The following GTF2H1 variants were observed in gnomAD, a reference collection of about 807,000 sequenced individuals.
GTF2H1 encodes general transcription factor IIH subunit 1.
GTF2H1 carries 16 observed loss-of-function variants against 71.2 expected under a neutral mutation model. The observed-to-expected ratio is 0.22, with a 90% CI of 0.15 to 0.34. The LOEUF is 0.34. Among genes scored for constraint, GTF2H1 ranks in the 10% least tolerant of loss-of-function variants. The pLI is 1.00. For synonymous variants in GTF2H1, 215 were observed against 219.0 expected, an observed-to-expected ratio of 0.98 and a Z score of 0.16; for missense variants, 498 against 648.2, an observed-to-expected ratio of 0.77 and a Z score of 2.52.
At chr11:18,332,907 C>G in intron 1 of GTF2H1, 153 bp from the exon 2 acceptor site, 1 of 521,968 alleles carries the variant, frequency 1.9e-6, no homozygotes, top group Non-Finnish European at 3.3e-6. Context: ...GCAACTTTAT[C>G]TTCAACTTTG....
intron 14 of GTF2H1, among the ~76,000 whole-genome samples, chr11:18,362,406 T>C (rs1403733405): frequency 1.3e-5 from 2 of 152,202 alleles, no homozygotes; most frequent in Non-Finnish European, 2.9e-5. Flanking sequence ...ACTAACACTG[T>C]ACACTTAGAC....
At chr11:18,330,262 C>T (rs4150552) in intron 1 of GTF2H1, among the ~76,000 whole-genome samples, 117 of 152,264 alleles carry the variant, frequency 7.7e-4, no homozygotes, top group African/African-American at 2.7e-3. Context: ...CCTTTTGGGA[C>T]TTCATGTCGT....
intron 9 of GTF2H1, among the ~76,000 whole-genome samples, chr11:18,351,281 C>T (rs1032460817): frequency 2.5e-5 from 3 of 118,982 alleles, no homozygotes; most frequent in Admixed American, 1.1e-4. Flanking sequence ...GGCAAAGAGG[C>T]GGAATTTTTT....
intron 7 of GTF2H1, among the ~76,000 whole-genome samples, chr11:18,346,160 T>C (rs898902378): frequency 6.6e-6 from 1 of 152,218 alleles, no homozygotes; most frequent in African/African-American, 2.4e-5. Context: ...TATTAGTGTA[T>C]TGAACCATAT....
At chr11:18,344,342 G>A (rs953769239) in intron 7 of GTF2H1, among the ~76,000 whole-genome samples, 5 of 151,964 alleles carry the variant, frequency 3.3e-5, no homozygotes, top group South Asian at 2.1e-4. Context: ...AATATAGGCC[G>A]GGCGTGGTGG....
At chr11:18,365,568 C>T (rs4150681) in intron 14 of GTF2H1, among the ~76,000 whole-genome samples, 2,136 of 152,112 alleles carry the variant, frequency 0.014, 59 homozygotes, top group African/African-American at 0.05. Flanking sequence ...CCATTACAAC[C>T]GCAGCCTTTT....
intron 7 of GTF2H1, among the ~76,000 whole-genome samples, chr11:18,346,103 T>A (rs1865287674): frequency 6.6e-6 from 1 of 152,218 alleles, no homozygotes; most frequent in Non-Finnish European, 1.5e-5. Flanking sequence ...ATGAGTCTCA[T>A]GATCTTTCTT....
At chr11:18,364,450 A>G (rs970832449) in intron 14 of GTF2H1, among the ~76,000 whole-genome samples, 2 of 152,170 alleles carry the variant, frequency 1.3e-5, no homozygotes, top group African/African-American at 4.8e-5. Flanking sequence ...ATGCGGTGGT[A>G]TGCACATGTA....
Position 18,336,661 on chromosome 11 carries a change from A to G in GTF2H1, c.347+715A>G, listed in dbSNP as rs116455499. On this transcript the variant is annotated intron_variant, in intron 3 of 14. Coordinates refer to ENST00000265963, the MANE Select transcript of GTF2H1 (RefSeq NM_005316.4). Reference sequence around the variant, plus strand: ...TAATTTCTTTTCCCAGTTCTCTGTCACAGAGAAGATGCTAAGCCATTGGAA... The same window carrying G: ...TAATTTCTTTTCCCAGTTCTCTGTCGCAGAGAAGATGCTAAGCCATTGGAA... 5.1e-4 allele frequency among the ~76,000 whole-genome samples: 77 copies of G among 152,298 alleles called. 1 individual carries two copies. The highest frequency in any genetic ancestry group is 1.8e-3 in the African/African-American group (75 of 41,584).
rs978251670 is a variant in GTF2H1, at chr11:18,338,289, T to C, written c.513+15T>C. ...CTGCATTTCTGGTATGTGAGCCTTC[T>C]AGATTTCTGAAGAAAATAAAAATTC... On this transcript the variant is annotated intron_variant, in intron 4 of 14. Transcript: ENST00000265963. 1 of 1,572,014 alleles carries C rather than the reference T, an allele frequency of 6.4e-7. No homozygotes were observed. The highest frequency in any genetic ancestry group is 8.7e-7 in the Non-Finnish European group (1 of 1,142,932).
Position 18,347,883 on chromosome 11 carries a change from C to T in GTF2H1, c.1017C>T (p.Ser339=), listed in dbSNP as rs1228444462. The T allele has an allele frequency of 3.1e-6, 5 of 1,613,514 alleles. No individual in the cohort carries two copies. Among genetic ancestry groups the T allele is most frequent in the East Asian group, 2.2e-5 (1 of 44,874 alleles). Residue 339 remains serine, a synonymous_variant, in exon 9 of 15, where the codon TCC becomes TCT. Coordinates refer to ENST00000265963, the MANE Select transcript of GTF2H1 (RefSeq NM_005316.4). ...TSEPSNMDGN[S]GDADCFQPAV... ...AGCCCAGCAACATGGATGGAAATTC[C>T]GGAGATGCAGACTGCTTTCAGCCAG...
chr11:18,346,733 C>CTTTTTTTTTTTTTTTT (rs35494754), intron 7 of GTF2H1, among the ~76,000 whole-genome samples: 25 of 85,222 alleles, frequency 2.9e-4, no homozygotes, highest in East Asian at 4.1e-4. Context: ...TTTTTATTTA[C>CTTTTTTTTTTTTTTTT]TTTTTTTTTT....
chr11:18,365,379 A>AAAAAT lies in GTF2H1; in HGVS notation c.1561-385_1561-381dup, dbSNP rs369378360. ...GGTGACAGAGCAAGACTCTGTCTCA[A>AAAAAT]AAAATAAAATAAAATAAAATAAAGT... is the stretch of plus-strand genomic sequence containing the variant. On this transcript the variant is annotated intron_variant, in intron 14 of 14. Transcript: ENST00000265963. Among the ~76,000 whole-genome samples the AAAAAT allele has an allele frequency of 4.8e-3, 726 of 152,208 alleles. 6 individuals are homozygous for AAAAAT. The highest frequency in any genetic ancestry group is 0.016 in the African/African-American group (674 of 41,512).
chr11:18,341,208 A>G (rs1590188285), intron 5 of GTF2H1, 53 bp from the exon 6 acceptor site: 2 of 1,419,292 alleles, frequency 1.4e-6, no homozygotes, highest in East Asian at 4.6e-5. Flanking sequence ...CTAATTTGAG[A>G]GGTTTTAAAA....
intron 1 of GTF2H1, among the ~76,000 whole-genome samples, chr11:18,328,714 T>C (rs1425349500): frequency 2.0e-5 from 3 of 150,052 alleles, no homozygotes; most frequent in Admixed American, 6.7e-5. Context: ...TAGTCCCGGC[T>C]ACTCTGGAGG....
chr11:18,323,138 C>T (rs1187768948), intron 1 of GTF2H1, among the ~76,000 whole-genome samples: 1 of 152,142 alleles, frequency 6.6e-6, no homozygotes, highest in East Asian at 1.9e-4. Flanking sequence ...AATCTTACCT[C>T]TCTTAAAAAC....
intron 9 of GTF2H1, among the ~76,000 whole-genome samples, chr11:18,349,963 T>C (rs1262634585): frequency 1.3e-5 from 2 of 152,236 alleles, no homozygotes; most frequent in Non-Finnish European, 2.9e-5. Context: ...CATTGAATAC[T>C]GAAAGTGAAA....
At chr11:18,351,766 C>T in intron 9 of GTF2H1, 115 bp from the exon 10 acceptor site, 1 of 598,776 alleles carries the variant, frequency 1.7e-6, no homozygotes, top group Non-Finnish European at 3.1e-6. Flanking sequence ...GGAAGAGAAG[C>T]TCATGGTGGG....
Position 18,365,775 on chromosome 11 carries a change from T to C in GTF2H1, c.1561-8T>C. 1 of 1,605,284 alleles carries C rather than the reference T, an allele frequency of 6.2e-7. No homozygotes were observed. Among genetic ancestry groups the C allele is most frequent in the South Asian group, 1.1e-5 (1 of 90,938 alleles). ...CCCAGTTGTTAAGTGTCTTGCTGTGTTTTTCAGTTGGTAAGTCACATAGAA... is the reference window on the plus strand; with the variant it reads ...CCCAGTTGTTAAGTGTCTTGCTGTGCTTTTCAGTTGGTAAGTCACATAGAA... On this transcript the variant is annotated splice_region_variant and splice_polypyrimidine_tract_variant and intron_variant, in intron 14 of 14. Coordinates refer to ENST00000265963, the MANE Select transcript of GTF2H1 (RefSeq NM_005316.4).
Sources: allele counts gnomAD v4.1 joint callset (sites outside exome capture counted in the v4.1 genomes callset), GRCh38; gene constraint gnomAD v4.1.1; transcripts MANE v1.5; gene names NCBI Gene and HGNC (gene_info 2026-07-23, HGNC 2026-07-21).